The following SYNE1 variants were observed in gnomAD, a reference collection of about 807,000 sequenced individuals.
SYNE1 encodes nesprin-1.
Under a neutral mutation model 1,111.0 loss-of-function variants are expected in SYNE1, and 616 were observed. That is an observed-to-expected ratio of 0.55 (90% CI 0.52 to 0.59). SYNE1 has a LOEUF of 0.59. SYNE1 is among the 20% of genes least tolerant of loss of function. SYNE1 has a pLI of 0.00. For synonymous variants in SYNE1, 3,855 were observed against 3,825.8 expected (o/e 1.01, Z -0.28); for missense variants, 10,006 against 10,417.0 (o/e 0.96, Z 1.72).
intron 105 of SYNE1, among the ~76,000 whole-genome samples, chr6:152,246,948 G>T (rs2087356518): frequency 6.6e-6 from 1 of 152,168 alleles, no homozygotes; most frequent in African/African-American, 2.4e-5. Flanking sequence ...TGTGAACATG[G>T]TATAAGAACA....
intron 3 of SYNE1, among the ~76,000 whole-genome samples, chr6:152,545,447 G>A (rs2099306543): frequency 6.6e-6 from 1 of 152,112 alleles, no homozygotes; most frequent in South Asian, 2.1e-4. Context: ...AGACATGGTG[G>A]TGGGCACCTG....
At chr6:152,188,585 C>G (rs537393979) in intron 128 of SYNE1, among the ~76,000 whole-genome samples, 1 of 152,090 alleles carries the variant, frequency 6.6e-6, no homozygotes, top group Admixed American at 6.6e-5. Context: ...GCAAATACAA[C>G]AGTAGTTTTT....
intron 11 of SYNE1, among the ~76,000 whole-genome samples, chr6:152,493,120 C>CA (rs2098980178): frequency 6.6e-6 from 1 of 152,044 alleles, no homozygotes; most frequent in Non-Finnish European, 1.5e-5. Context: ...GACAACTCTA[C>CA]TCCCTCCCTA....
At chr6:152,279,827 T>G (rs914528590) in intron 97 of SYNE1, among the ~76,000 whole-genome samples, 4 of 152,168 alleles carry the variant, frequency 2.6e-5, no homozygotes, top group Admixed American at 2.0e-4. Flanking sequence ...CTGAGGATTA[T>G]TGTTAAGAAA....
intron 30 of SYNE1, among the ~76,000 whole-genome samples, chr6:152,443,013 G>C (rs116635209): frequency 6.6e-6 from 1 of 152,030 alleles, no homozygotes; most frequent in Non-Finnish European, 1.5e-5. Context: ...GAGATTTTGT[G>C]GGGGGAAATT....
rs1038141224 is a variant in SYNE1 at position 152,206,309 on chromosome 6, C to T, written c.22878G>A (p.Glu7626=). 8.1e-6 allele frequency: 13 copies of T among 1,613,962 alleles called. No individual in the cohort carries two copies. Among genetic ancestry groups the T allele is most frequent in the Non-Finnish European group, 1.1e-5 (13 of 1,180,036 alleles). ...RQQGSYILTV[E]AGKQLLLSAD... Reference sequence around the variant, plus strand: ...CCGAGAGAAGGAGTTGCTTGCCAGCCTCCACAGTCAGGATGTAGCTGCCTT... The same window carrying T: ...CCGAGAGAAGGAGTTGCTTGCCAGCTTCCACAGTCAGGATGTAGCTGCCTT... The change falls in exon 126 of 146, where the codon GAG becomes GAA. Residue 7626 remains glutamate, a synonymous_variant. Transcript: ENST00000367255.
intron 91 of SYNE1, 182 bp from the exon 92 acceptor site, chr6:152,302,245 G>A: frequency 1.2e-6 from 1 of 809,618 alleles, no homozygotes; most frequent in Non-Finnish European, 2.0e-6. Context: ...CAGGCTGCGC[G>A]GCGCGGCGCA....
chr6:152,168,824 A>G (rs2064344483), intron 130 of SYNE1, among the ~76,000 whole-genome samples: 1 of 152,194 alleles, frequency 6.6e-6, no homozygotes, highest in South Asian at 2.1e-4. Flanking sequence ...TCTCCCTTAC[A>G]TATGCAAAAC....
At chr6:152,578,571 G>T (rs2099509158) in intron 3 of SYNE1, among the ~76,000 whole-genome samples, 1 of 152,118 alleles carries the variant, frequency 6.6e-6, no homozygotes, top group South Asian at 2.1e-4. Flanking sequence ...TATGGCCTGG[G>T]CAGCAGAGTG....
intron 107 of SYNE1, among the ~76,000 whole-genome samples, chr6:152,241,052 T>C (rs1190251200): frequency 6.6e-6 from 1 of 152,252 alleles, no homozygotes; most frequent in Non-Finnish European, 1.5e-5. Flanking sequence ...GGACTTCTCA[T>C]GGCCAGAAGG....
intron 64 of SYNE1, 120 bp downstream of exon 64, chr6:152,362,050 C>T (rs2096940918): frequency 1.5e-6 from 2 of 1,372,720 alleles, no homozygotes; most frequent in Non-Finnish European, 2.1e-6. Context: ...TACTAAAAGC[C>T]CCAAACGTAA....
intron 50 of SYNE1, 39 bp from the exon 51 acceptor site, chr6:152,395,710 C>T (rs758381442): frequency 4.5e-5 from 73 of 1,608,712 alleles, no homozygotes; most frequent in Non-Finnish European, 5.7e-5. Context: ...TTCTTACATG[C>T]TTGTTATGAT....
Position 152,330,383 on chromosome 6 carries a change from G to A in SYNE1, c.14302C>T (p.Gln4768Ter). ...LYHRLKRQTEQRVSLLEDTTS... is the reference protein window; with the variant it reads ...LYHRLKRQTE The stretch of plus-strand genomic sequence containing the variant: ...GTGTCTTCTAATAAGCTAACCCTCT[G>A]TTCTGTTTGTCGCTTCAGCCTGTGA... Residue 4768 changes from glutamine to a stop codon, truncating the protein, a stop_gained, in exon 78 of 146, where the codon CAG becomes TAG. Transcript: ENST00000367255. LOFTEE classifies it high-confidence loss of function. 6.2e-7 allele frequency: 1 copy of A among 1,614,072 alleles called. No homozygotes were observed. Among genetic ancestry groups the A allele is most frequent in the Non-Finnish European group, 8.5e-7 (1 of 1,180,030 alleles).
chr6:152,188,243 A>G (rs2070822671), intron 128 of SYNE1, among the ~76,000 whole-genome samples: 1 of 152,182 alleles, frequency 6.6e-6, no homozygotes, highest in Non-Finnish European at 1.5e-5. Flanking sequence ...CACTCGGGGT[A>G]TAGAAGTAAC....
chr6:152,603,906 AC>A (rs2099603622), intron 3 of SYNE1, among the ~76,000 whole-genome samples: 2 of 146,984 alleles, frequency 1.4e-5, no homozygotes, highest in African/African-American at 5.0e-5. Flanking sequence ...AGATAGATAT[AC>A]TATCTATATA....
chr6:152,469,448 C>T (rs141789102), intron 16 of SYNE1, among the ~76,000 whole-genome samples: 177 of 152,166 alleles, frequency 1.2e-3, no homozygotes, highest in East Asian at 1.4e-3. Context: ...GTTCTAGTGG[C>T]TGGTATCTGC....
At chr6:152,610,488 G>C (rs144247646) in intron 3 of SYNE1, among the ~76,000 whole-genome samples, 1 of 152,210 alleles carries the variant, frequency 6.6e-6, no homozygotes, top group Non-Finnish European at 1.5e-5. Context: ...AAAAATAGGG[G>C]ACTATGTGAT....
chr6:152,151,474 A>C (rs2060404225), intron 135 of SYNE1, 79 bp downstream of exon 135: 1 of 1,572,674 alleles, frequency 6.4e-7, no homozygotes, highest in Admixed American at 1.8e-5. Context: ...GTTATTTGCT[A>C]TGTTCTTCAC....
chr6:152,355,553 A>G (rs1421671332), intron 66 of SYNE1, among the ~76,000 whole-genome samples: 1 of 152,196 alleles, frequency 6.6e-6, no homozygotes, highest in South Asian at 2.1e-4. Flanking sequence ...GTGCAAATAA[A>G]TTTCCTCCAC....
Sources: gnomAD v4.1 joint callset for allele counts (sites outside exome capture counted in the v4.1 genomes callset) on GRCh38, gnomAD v4.1.1 for gene constraint, MANE v1.5 for transcripts, NCBI Gene and HGNC (gene_info 2026-07-23, HGNC 2026-07-21) for gene names.